Variants in NOL4L observed in about 807,000 individuals in gnomAD.
The protein encoded by NOL4L is nucleolar protein 4-like.
A neutral mutation model predicts 64.5 loss-of-function variants in NOL4L; 7 were observed. That is an observed-to-expected ratio of 0.11 (90% confidence interval 0.06 to 0.20). The LOEUF is 0.20. NOL4L is among the 10% of genes least tolerant of loss of function. The probability of loss-of-function intolerance (pLI) is 1.00; values close to 1 mark genes in which losing one functional copy is unlikely to be tolerated. For synonymous variants in NOL4L, 413 were observed against 401.0 expected (o/e 1.03, Z -0.36); for missense variants, 680 against 967.1 (o/e 0.70, Z 3.94).
At chr20:32,558,850 T>A (rs1481453753) in intron 1 of NOL4L, among the ~76,000 whole-genome samples, 3 of 152,102 alleles carry the variant, frequency 2.0e-5, no homozygotes. Flanking sequence ...CTCTGGCTGC[T>A]GGATGGAGAG....
chr20:32,575,023 C>A (rs79950708), intron 1 of NOL4L, among the ~76,000 whole-genome samples: 1 of 152,174 alleles, frequency 6.6e-6, no homozygotes, highest in African/African-American at 2.4e-5. Context: ...CGAGGAAACC[C>A]GTCACGCCTT....
At chr20:32,461,943 C>T (rs1008039643) in intron 5 of NOL4L, among the ~76,000 whole-genome samples, 3 of 152,032 alleles carry the variant, frequency 2.0e-5, no homozygotes, top group Non-Finnish European at 4.4e-5. Flanking sequence ...TCACACCCCT[C>T]CCTCTGGTGG....
chr20:32,483,045 G>C (rs992495361), intron 4 of NOL4L, among the ~76,000 whole-genome samples: 6 of 150,736 alleles, frequency 4.0e-5, no homozygotes, highest in African/African-American at 1.5e-4. Flanking sequence ...GCGACCCTGG[G>C]CGCTCAGGGC....
At chr20:32,538,814 C>G (rs2018603246) in intron 1 of NOL4L, among the ~76,000 whole-genome samples, 1 of 152,228 alleles carries the variant, frequency 6.6e-6, no homozygotes, top group South Asian at 2.1e-4. Flanking sequence ...GTCTAGCCGG[C>G]TGGCATTTTT....
chr20:32,503,566 CA>C (rs1319151612), intron 4 of NOL4L, among the ~76,000 whole-genome samples: 3 of 152,216 alleles, frequency 2.0e-5, no homozygotes, highest in Non-Finnish European at 4.4e-5. Context: ...GGGTCTACCC[CA>C]CTTATTGGTC....
At chr20:32,505,998 A>G (rs2017126924) in intron 4 of NOL4L, among the ~76,000 whole-genome samples, 2 of 152,222 alleles carry the variant, frequency 1.3e-5, no homozygotes, top group African/African-American at 4.8e-5. Flanking sequence ...AATATACTCA[A>G]TGCCACTCAA....
chr20:32,509,116 C>T (rs755117340), intron 4 of NOL4L, among the ~76,000 whole-genome samples: 3 of 152,202 alleles, frequency 2.0e-5, no homozygotes, highest in Non-Finnish European at 2.9e-5. Flanking sequence ...CCCAGTGCCA[C>T]GTGTCCTTCT....
chr20:32,575,862 C>A (rs1426882049), intron 1 of NOL4L, among the ~76,000 whole-genome samples: 1 of 152,144 alleles, frequency 6.6e-6, no homozygotes, highest in Non-Finnish European at 1.5e-5. Flanking sequence ...GAGGCCCTCT[C>A]TGAGCAGGTG....
intron 4 of NOL4L, among the ~76,000 whole-genome samples, chr20:32,488,869 T>C (rs1284737504): frequency 1.9e-5 from 2 of 106,214 alleles, no homozygotes; most frequent in African/African-American, 5.2e-5. Flanking sequence ...CTTTCTTTCT[T>C]TCTTTCTTTC....
intron 1 of NOL4L, chr20:32,548,944 T>A (rs1396777307): frequency 3.1e-6 from 1 of 322,544 alleles, no homozygotes. Context: ...ACTGACAGCA[T>A]ACAGATTTAC....
At chr20:32,455,242 AC>A (rs751667292) in intron 6 of NOL4L, among the ~76,000 whole-genome samples, 5 of 151,272 alleles carry the variant, frequency 3.3e-5, no homozygotes, top group South Asian at 4.2e-4. Flanking sequence ...AACACAACTC[AC>A]CCCCTTCATG....
intron 1 of NOL4L, chr20:32,536,057 CCT>C (rs1491531122): frequency 6.1e-6 from 6 of 985,660 alleles, no homozygotes; most frequent in East Asian, 1.1e-4. Flanking sequence ...TCAGTTTCCC[CCT>C]GTGTGAGCAG....
At position 32,507,641 on chromosome 20, in the gene NOL4L, T is replaced by C. The variant is rs145745533; in HGVS notation, c.699+3706A>G. On this transcript the variant is annotated intron_variant, in intron 4 of 10. Transcript: ENST00000621426. ...CCATTTGTCTCTTGGATACGTGATG[T>C]TGGAAATAAACAGATTATTGAGATT... is the stretch of plus-strand genomic sequence containing the variant. Among the ~76,000 whole-genome samples the C allele has an allele frequency of 6.6e-5, 10 of 152,298 alleles. No homozygotes were observed. The East Asian group carries it at 1.7e-3, about 26-fold the overall frequency.
At chr20:32,576,898 G>A (rs1274493293) in intron 1 of NOL4L, among the ~76,000 whole-genome samples, 1 of 152,202 alleles carries the variant, frequency 6.6e-6, no homozygotes, top group East Asian at 1.9e-4. Context: ...CTAAAGGCGA[G>A]AGGGCACCAT....
intron 1 of NOL4L, among the ~76,000 whole-genome samples, chr20:32,554,707 G>GT (rs1978542031): frequency 6.6e-6 from 1 of 152,126 alleles, no homozygotes; most frequent in Non-Finnish European, 1.5e-5. Flanking sequence ...TCACAATACT[G>GT]TTTGTCAAGA....
chr20:32,536,204 C>A (rs912452406), intron 1 of NOL4L: 1 of 985,592 alleles, frequency 1.0e-6, no homozygotes, highest in Admixed American at 6.1e-5. Context: ...CCTCCCGGGG[C>A]ACCGCAGCCT....
At chr20:32,555,836 A>T (rs1297453354) in intron 1 of NOL4L, among the ~76,000 whole-genome samples, 2 of 152,068 alleles carry the variant, frequency 1.3e-5, no homozygotes, top group East Asian at 3.9e-4. Flanking sequence ...TGAGAATGTC[A>T]GTGGTTTAAG....
intron 4 of NOL4L, among the ~76,000 whole-genome samples, chr20:32,497,855 C>T (rs898082173): frequency 7.2e-5 from 11 of 152,184 alleles, no homozygotes; most frequent in East Asian, 3.8e-4. Flanking sequence ...CATTCATGGA[C>T]GCCCAGGTAG....
At chr20:32,482,260 G>A (rs2015774931) in intron 4 of NOL4L, among the ~76,000 whole-genome samples, 2 of 152,042 alleles carry the variant, frequency 1.3e-5, no homozygotes, top group Admixed American at 1.3e-4. Flanking sequence ...CTCTTGGGGA[G>A]AGGGGAGGGA....
Sources: allele counts gnomAD v4.1 joint callset (sites outside exome capture counted in the v4.1 genomes callset), GRCh38; gene constraint gnomAD v4.1.1; transcripts MANE v1.5; gene names NCBI Gene and HGNC (gene_info 2026-07-23, HGNC 2026-07-21).